Variants in PRSS23 observed in about 807,000 individuals in gnomAD.
The protein encoded by PRSS23 is serine protease 23.
A neutral mutation model predicts 34.7 loss-of-function variants in PRSS23; 25 were observed. The ratio of observed to expected loss-of-function variants is 0.72; its 90% confidence interval spans 0.53 to 1.01. The LOEUF (loss-of-function observed/expected upper bound fraction) is 1.01, where lower values mean the gene tolerates loss of function less well. PRSS23 is among the 50% of genes least tolerant of loss of function. The probability of loss-of-function intolerance (pLI) is 0.00; values close to 1 mark genes in which losing one functional copy is unlikely to be tolerated. For synonymous variants in PRSS23, 176 were observed against 186.6 expected (o/e 0.94, Z 0.46); for missense variants, 445 against 475.6 (o/e 0.94, Z 0.60).
intron 2 of PRSS23, chr11:86,951,071 T>C: frequency 6.5e-7 from 1 of 1,527,652 alleles, no homozygotes; most frequent in Non-Finnish European, 9.1e-7. Flanking sequence ...CATAAAACTT[T>C]TAGTAGAATT....
intron 2 of PRSS23, among the ~76,000 whole-genome samples, chr11:86,892,969 G>A (rs867782696): frequency 6.6e-6 from 1 of 152,260 alleles, no homozygotes; most frequent in Middle Eastern, 3.4e-3. Context: ...GCCTTATCTG[G>A]AAATAGGGTC....
At chr11:86,800,490 G>C (rs925729123), upstream of PRSS23, 1 of 984,382 alleles carries the variant, frequency 1.0e-6, no homozygotes, top group African/African-American at 1.7e-5. Context: ...CGGGCCTCGG[G>C]TGGCGCGGGG....
intron 2 of PRSS23, among the ~76,000 whole-genome samples, chr11:86,865,780 C>G (rs1323404771): frequency 6.6e-6 from 1 of 152,184 alleles, no homozygotes; most frequent in Non-Finnish European, 1.5e-5. Flanking sequence ...TTCTCATGCT[C>G]CTTGGAAACA....
In PRSS23 at chr11:86,951,335, A is replaced by G. The variant is rs745965975; in HGVS notation, c.*50A>G. 6.2e-6 allele frequency: 10 copies of G among 1,613,040 alleles called. No homozygotes were observed. The East Asian group carries it at 2.2e-4, about 36-fold the overall frequency. ...AAAAATTTTCAACATTTCAACAGCC[A>G]TGTTGGAATCATCTGCAGAATACCG... is the stretch of plus-strand genomic sequence containing the variant. On this transcript the variant is annotated 3_prime_UTR_variant, in exon 3 of 3. Transcript: ENST00000533902.
At chr11:86,910,956 A>C (rs2134993455) in intron 2 of PRSS23, 1 of 152,300 alleles carries the variant, frequency 6.6e-6, no homozygotes, top group Middle Eastern at 3.4e-3. Flanking sequence ...GAATTCTCTT[A>C]CCTTTGCTCT....
intron 2 of PRSS23, among the ~76,000 whole-genome samples, chr11:86,844,631 C>A (rs1948472790): frequency 6.6e-6 from 1 of 152,136 alleles, no homozygotes; most frequent in Admixed American, 6.5e-5. Context: ...TTTTATTAGA[C>A]CTATGAAAAG....
At chr11:86,852,411 G>A (rs1163370883) in intron 2 of PRSS23, among the ~76,000 whole-genome samples, 1 of 152,130 alleles carries the variant, frequency 6.6e-6, no homozygotes, top group African/African-American at 2.4e-5. Flanking sequence ...AAGAAGAAGA[G>A]AAAAGTTAGT....
intron 2 of PRSS23, among the ~76,000 whole-genome samples, chr11:86,833,960 A>T (rs1423656779): frequency 1.3e-5 from 2 of 152,176 alleles, no homozygotes; most frequent in East Asian, 3.8e-4. Flanking sequence ...ACATCAGAGC[A>T]TGTGCTAGCA....
intron 2 of PRSS23, among the ~76,000 whole-genome samples, chr11:86,901,004 C>T (rs954526036): frequency 6.6e-6 from 1 of 151,806 alleles, no homozygotes; most frequent in East Asian, 1.9e-4. Flanking sequence ...AGGCTGGTCT[C>T]GAACTCCTAA....
chr11:86,908,136 CAT>C (rs768149858), intron 2 of PRSS23, among the ~76,000 whole-genome samples: 1 of 152,162 alleles, frequency 6.6e-6, no homozygotes, highest in Non-Finnish European at 1.5e-5. Flanking sequence ...GTTGTTTCCA[CAT>C]GTCAGCTATT....
intron 1 of PRSS23, among the ~76,000 whole-genome samples, chr11:86,820,738 A>C (rs936241288): frequency 3.9e-5 from 6 of 152,242 alleles, no homozygotes; most frequent in African/African-American, 1.4e-4. Context: ...ATCTAAACTC[A>C]GGGTGAAACA....
chr11:86,896,746 A>G (rs1049366537), intron 2 of PRSS23, among the ~76,000 whole-genome samples: 1 of 152,254 alleles, frequency 6.6e-6, no homozygotes, highest in Non-Finnish European at 1.5e-5. Flanking sequence ...TCTTGGATCA[A>G]ATTCATCTTC....
intron 2 of PRSS23, among the ~76,000 whole-genome samples, chr11:86,829,181 C>T (rs1449858437): frequency 6.6e-6 from 1 of 152,152 alleles, no homozygotes; most frequent in Non-Finnish European, 1.5e-5. Context: ...TTCTTGGAGG[C>T]TTTGTTCGTT....
rs1225362851 is a variant in PRSS23 at position 86,834,506 on chromosome 11, T to TTTTCCTTTCC, written c.206+10952_206+10961dup. Among the ~76,000 whole-genome samples, 630 of 115,052 alleles carry TTTTCCTTTCC rather than the reference T, an allele frequency of 5.5e-3. 35 individuals are homozygous for TTTTCCTTTCC. Among genetic ancestry groups the TTTTCCTTTCC allele is most frequent in the African/African-American group, 0.016 (440 of 27,684 alleles). 75.5% of individuals were successfully genotyped at this position (115,052 alleles called of 152,430 possible). ...ATATCTGCTTGGTGATTCCCTTCTA[T>TTTTCCTTTCC]TTTCCTTTCCTTTCCTTTCCTTTCC... is the stretch of plus-strand genomic sequence containing the variant. On this transcript the variant is annotated intron_variant, in intron 2 of 2. Coordinates refer to the PRSS23 transcript ENST00000533902.
intron 2 of PRSS23, among the ~76,000 whole-genome samples, chr11:86,924,312 AG>A (rs2135007024): frequency 6.6e-6 from 1 of 152,262 alleles, no homozygotes; most frequent in South Asian, 2.1e-4. Flanking sequence ...TGCTCAGAGA[AG>A]AAAGGGCTGC....
intron 2 of PRSS23, among the ~76,000 whole-genome samples, chr11:86,842,202 T>G (rs1025016030): frequency 6.6e-6 from 1 of 152,238 alleles, no homozygotes; most frequent in South Asian, 2.1e-4. Flanking sequence ...TCTCAATAGA[T>G]GCAGAAAAGA....
intron 2 of PRSS23, among the ~76,000 whole-genome samples, chr11:86,942,959 C>A (rs1030464718): frequency 2.0e-5 from 3 of 152,238 alleles, no homozygotes; most frequent in Non-Finnish European, 4.4e-5. Flanking sequence ...CAAGGCTGAC[C>A]TCTTTAGTCA....
Position 86,939,426 on chromosome 11 carries a change from A to ATATATTTTTTT in PRSS23, c.207-11789_207-11788insATATTTTTTTT. ...AAAATATATATATATATATATATAT[A>ATATATTTTTTT]TTTTTTAACATGAGTAAAAATTGCA... On this transcript the variant is annotated intron_variant, in intron 2 of 2. Coordinates refer to the PRSS23 transcript ENST00000533902. Among the ~76,000 whole-genome samples the ATATATTTTTTT allele has an allele frequency of 1.7e-3, 158 of 94,052 alleles. 3 individuals are homozygous for ATATATTTTTTT. The highest frequency in any genetic ancestry group is 3.3e-3 in the East Asian group (11 of 3,378). 61.7% of individuals were successfully genotyped at this position (94,052 alleles called of 152,430 possible).
intron 2 of PRSS23, among the ~76,000 whole-genome samples, chr11:86,834,229 A>G (rs1359571647): frequency 1.3e-5 from 2 of 152,202 alleles, no homozygotes; most frequent in African/African-American, 2.4e-5. Flanking sequence ...GATGGGTGCT[A>G]TCAATGCCTA....
Sources: gnomAD v4.1 joint callset for allele counts (sites outside exome capture counted in the v4.1 genomes callset) on GRCh38, gnomAD v4.1.1 for gene constraint, MANE v1.5 for transcripts, NCBI Gene and HGNC (gene_info 2026-07-23, HGNC 2026-07-21) for gene names.